TLDC2: variants seen among roughly 807,000 people sequenced by gnomAD.
The protein encoded by TLDC2 is TLD domain-containing protein 2.
A neutral mutation model predicts 27.9 loss-of-function variants in TLDC2; 23 were observed. The observed-to-expected ratio is 0.82, with a 90% CI of 0.59 to 1.17. The LOEUF (loss-of-function observed/expected upper bound fraction) is 1.17. Ranked by LOEUF, TLDC2 falls within the 50% of genes most tolerant of loss-of-function variation. The pLI is 0.00. For synonymous variants in TLDC2, 124 were observed against 107.4 expected (o/e 1.16, Z -0.96); for missense variants, 286 against 273.4 (o/e 1.05, Z -0.32).
At chr20:36,881,048 G>A (rs1374261746) in intron 4 of TLDC2, among the ~76,000 whole-genome samples, 1 of 152,220 alleles carries the variant, frequency 6.6e-6, no homozygotes, top group African/African-American at 2.4e-5. Flanking sequence ...TGAGGGCGTG[G>A]TGGCAGGACG....
chr20:36,883,163 G>C (rs1303606639), intron 4 of TLDC2, among the ~76,000 whole-genome samples: 1 of 149,576 alleles, frequency 6.7e-6, no homozygotes, highest in African/African-American at 2.5e-5. Flanking sequence ...CTGAGACAGA[G>C]TCTCACTCTG....
At chr20:36,878,138 G>A in intron 2 of TLDC2, 84 bp downstream of exon 2, 3 of 1,440,058 alleles carry the variant, frequency 2.1e-6, no homozygotes, top group Non-Finnish European at 2.8e-6. Context: ...CACGCCCAGG[G>A]GCACCTAGAG....
chr20:36,876,899 TAC>T (rs1989681521), intron 1 of TLDC2, among the ~76,000 whole-genome samples: 1 of 152,252 alleles, frequency 6.6e-6, no homozygotes, highest in East Asian at 1.9e-4. Flanking sequence ...AACACAAATT[TAC>T]ACTCAATACC....
intron 4 of TLDC2, among the ~76,000 whole-genome samples, chr20:36,885,868 A>C (rs1989910067): frequency 6.6e-6 from 1 of 152,220 alleles, no homozygotes; most frequent in African/African-American, 2.4e-5. Context: ...GGAATGAAAC[A>C]GGGTCTGGGA....
intron 4 of TLDC2, among the ~76,000 whole-genome samples, chr20:36,884,540 C>T (rs569815945): frequency 4.6e-5 from 7 of 152,036 alleles, no homozygotes; most frequent in Non-Finnish European, 1.0e-4. Context: ...AGGAGGATCA[C>T]TTGAGGCCAG....
intron 5 of TLDC2, among the ~76,000 whole-genome samples, chr20:36,888,492 G>A (rs1191769077): frequency 1.3e-5 from 2 of 149,822 alleles, no homozygotes; most frequent in Admixed American, 1.3e-4. Flanking sequence ...GGATCACGAG[G>A]TCAGGAGATC....
chr20:36,893,119 T>A lies in TLDC2; in HGVS notation c.*275T>A. On this transcript the variant is annotated 3_prime_UTR_variant, in exon 7 of 7. Coordinates refer to ENST00000217320, the MANE Select transcript of TLDC2 (RefSeq NM_080628.3). ...AATAGAGAAAAGCCAGTTTCCATCA[T>A]CTTATTTCTGAGTGAAAGTCTCAAG... is the stretch of plus-strand genomic sequence containing the variant. 6.2e-7 allele frequency: 1 copy of A among 1,602,622 alleles called. No individual in the cohort carries two copies. Among genetic ancestry groups the A allele is most frequent in the East Asian group, 2.2e-5 (1 of 44,858 alleles).
At chr20:36,876,856 C>T (rs1015464179) in intron 1 of TLDC2, among the ~76,000 whole-genome samples, 1 of 152,122 alleles carries the variant, frequency 6.6e-6, no homozygotes, top group East Asian at 1.9e-4. Flanking sequence ...GATATTTACA[C>T]CATCACAACT....
In TLDC2 at chr20:36,889,299, C is replaced by A. The variant is rs142937976; in HGVS notation, c.561C>A (p.Ser187Arg). 4.6e-3 allele frequency: 7,399 copies of A among 1,614,178 alleles called. 31 individuals are homozygous for A. Among genetic ancestry groups the A allele is most frequent in the Non-Finnish European group, 5.7e-3 (6,732 of 1,180,012 alleles). Residue 187 changes from serine (S) to arginine (R), a missense_variant, in exon 6 of 7, where the codon AGC becomes AGA. Ser to Arg is a moderately radical substitution (Grantham distance 110). Coordinates refer to ENST00000217320, the MANE Select transcript of TLDC2 (RefSeq NM_080628.3). The stretch of plus-strand genomic sequence containing the variant: ...ATGGAGACTTGTTCCGCGGGGGAAG[C>A]TCCCCTTGCCCGACCTTCAACAACG... ...WLDGDLFRGGSSPCPTFNNEV... is the reference protein window; with the variant it reads ...WLDGDLFRGGRSPCPTFNNEV...
chr20:36,881,304 C>T (rs921209225), intron 4 of TLDC2, among the ~76,000 whole-genome samples: 2 of 151,394 alleles, frequency 1.3e-5, no homozygotes, highest in Admixed American at 6.6e-5. Flanking sequence ...CGTTTAAGCC[C>T]GGGAGGTTGA....
In TLDC2 at chr20:36,880,658, T is replaced by C. The variant is rs183854326; in HGVS notation, c.346T>C (p.Phe116Leu). 104 of 1,613,992 alleles carry C rather than the reference T, an allele frequency of 6.4e-5. No individual in the cohort carries two copies. The Admixed American group carries it at 1.7e-3, about 26-fold the overall frequency. Residue 116 changes from phenylalanine to leucine, a missense_variant, in exon 4 of 7, where the codon TTT (phenylalanine) becomes CTT (leucine). Phe to Leu is a conservative substitution (Grantham distance 22, BLOSUM62 0). Coordinates refer to ENST00000217320, the MANE Select transcript of TLDC2 (RefSeq NM_080628.3). ...GACTACAACTTCCACTTTCCAGATATTTGGAGCCTTCTCCTCCTCGGCTAT... is the reference window on the plus strand; with the variant it reads ...GACTACAACTTCCACTTTCCAGATACTTGGAGCCTTCTCCTCCTCGGCTAT... ...LVLRDQDGQI[F>L]GAFSSSAIRL...
intron 5 of TLDC2, among the ~76,000 whole-genome samples, chr20:36,888,502 C>A (rs1298348): frequency 2.7e-5 from 4 of 150,196 alleles, no homozygotes; most frequent in African/African-American, 7.3e-5. Flanking sequence ...GTCAGGAGAT[C>A]GAGACCGTCC....
At chr20:36,878,142 C>T in intron 2 of TLDC2, 88 bp downstream of exon 2, 3 of 1,409,006 alleles carry the variant, frequency 2.1e-6, no homozygotes, top group Non-Finnish European at 1.9e-6. Flanking sequence ...CCCAGGGGCA[C>T]CTAGAGTCAC....
rs1327101015 is a variant in TLDC2, at chr20:36,879,121, G to A, written c.270G>A (p.Leu90=). Residue 90 remains leucine (L), a synonymous_variant, in exon 3 of 7, where the codon CTG becomes CTA. Transcript: ENST00000217320. ...VFCTSRDGFS[L]QSLYRRMEGC... is the part of the protein sequence containing the mutation. ...GCACGTCAAGGGACGGTTTCAGCCT[G>A]CAGAGCCTGTACCGGCGGATGGAGG... 2.5e-6 allele frequency: 4 copies of A among 1,614,048 alleles called. No individual in the cohort carries two copies. The Admixed American group carries it at 6.7e-5, about 27-fold the overall frequency.
chr20:36,881,701 C>G (rs772549779), intron 4 of TLDC2, among the ~76,000 whole-genome samples: 12 of 151,780 alleles, frequency 7.9e-5, no homozygotes, highest in Non-Finnish European at 1.6e-4. Flanking sequence ...ACATGGACAA[C>G]GGAACCTAAA....
Position 36,893,441 on chromosome 20 carries a change from A to G in TLDC2, c.*597A>G, listed in dbSNP as rs560984738. 4.9e-5 allele frequency: 16 copies of G among 326,190 alleles called. No individual in the cohort carries two copies. The highest frequency in any genetic ancestry group is 3.2e-4 in the African/African-American group (15 of 47,600). 20.2% of individuals were successfully genotyped at this position (326,190 alleles called of 1,614,324 possible). Reference sequence around the variant, plus strand: ...TTCTCTCTCGCCTGGTCCCCTCTGCAATAAAAGGCCCAGGTCTACAAGATG... The same window carrying G: ...TTCTCTCTCGCCTGGTCCCCTCTGCGATAAAAGGCCCAGGTCTACAAGATG... On this transcript the variant is annotated 3_prime_UTR_variant, in exon 7 of 7. Coordinates refer to ENST00000217320, the MANE Select transcript of TLDC2 (RefSeq NM_080628.3).
In TLDC2 at chr20:36,877,847, A is replaced by C; in HGVS notation, c.34-52A>C. On this transcript the variant is annotated intron_variant, in intron 1 of 6. Coordinates refer to ENST00000217320, the MANE Select transcript of TLDC2 (RefSeq NM_080628.3). ...GGCTCTTGGGCTCAGGAGATGGTAGAAGCTGGGACCTCCTGTCCCTGGACA... is the reference window on the plus strand; with the variant it reads ...GGCTCTTGGGCTCAGGAGATGGTAGCAGCTGGGACCTCCTGTCCCTGGACA... 3 of 1,560,704 alleles carry C rather than the reference A, an allele frequency of 1.9e-6. No homozygotes were observed. In the Admixed American group the frequency reaches 5.6e-5, roughly 29 times the overall value.
At position 36,889,738 on chromosome 20, in the gene TLDC2, C is replaced by T. The variant is rs182146044; in HGVS notation, c.*17+335C>T. ...TCACTATGCTGTTCCTCGCCAGCTA[C>T]TGAACGAGGAAAACCAACCTCATGA... is the stretch of plus-strand genomic sequence containing the variant. On this transcript the variant is annotated intron_variant, in intron 6 of 6. Coordinates refer to ENST00000217320, the MANE Select transcript of TLDC2 (RefSeq NM_080628.3). 67 of 182,380 alleles carry T rather than the reference C, an allele frequency of 3.7e-4. No homozygotes were observed. The Admixed American group carries it at 3.9e-3, about 11-fold the overall frequency. The allele number at this position is 182,380 out of a possible 1,614,324, so 11.3% of individuals were successfully genotyped here.
At chr20:36,889,223 C>T (rs377125952) in intron 5 of TLDC2, 28 bp from the exon 6 acceptor site, 25 of 1,610,574 alleles carry the variant, frequency 1.6e-5, no homozygotes, top group East Asian at 2.2e-5. Context: ...AGGAGTGAGC[C>T]GCACCAAGAC....
Sources: allele counts gnomAD v4.1 joint callset (sites outside exome capture counted in the v4.1 genomes callset), GRCh38; gene constraint gnomAD v4.1.1; transcripts MANE v1.5; gene names NCBI Gene and HGNC (gene_info 2026-07-23, HGNC 2026-07-21).